Variants in PRKCI observed in about 807,000 individuals in gnomAD.
PRKCI encodes the protein protein kinase C iota, also known as protein kinase C iota type.
Under a neutral mutation model 84.0 loss-of-function variants are expected in PRKCI, and 43 were observed. The ratio of observed to expected loss-of-function variants is 0.51; its 90% CI spans 0.40 to 0.66. The LOEUF is 0.66. Among genes scored for constraint, PRKCI ranks in the 30% least tolerant of loss-of-function variants. The probability of loss-of-function intolerance (pLI) is 0.00; values close to 1 mark genes in which losing one functional copy is unlikely to be tolerated. For missense variants in PRKCI, 459 were observed against 745.6 expected, an observed-to-expected ratio of 0.62 and a Z score of 4.48; for synonymous variants, 216 against 234.4, an observed-to-expected ratio of 0.92 and a Z score of 0.72.
chr3:170,267,967 T>C lies in PRKCI; in HGVS notation c.417T>C (p.Asn139=), dbSNP rs145497021. 9.3e-6 allele frequency: 15 copies of C among 1,613,002 alleles called. No homozygotes were observed. The African/African-American group carries it at 1.9e-4, about 20-fold the overall frequency. Residue 139 remains asparagine, a synonymous_variant, in exon 5 of 18, where the codon AAT becomes AAC. Coordinates refer to ENST00000295797, the MANE Select transcript of PRKCI (RefSeq NM_002740.6). Reference sequence around the variant, plus strand: ...GCTGGAGAAAGCTTTATTGTGCCAATGGCCACACTTTCCAAGCCAAGCGTT... The same window carrying C: ...GCTGGAGAAAGCTTTATTGTGCCAACGGCCACACTTTCCAAGCCAAGCGTT... The part of the protein sequence containing the change: ...ARRWRKLYCA[N]GHTFQAKRFN...
At chr3:170,266,209 TGAGAAACATA>T (rs1410101397) in intron 4 of PRKCI, among the ~76,000 whole-genome samples, 2 of 152,186 alleles carry the variant, frequency 1.3e-5, no homozygotes, top group African/African-American at 4.8e-5. Context: ...TAACTATATT[TGAGAAACATA>T]TTAATATAAA....
chr3:170,235,217 T>A lies in PRKCI; in HGVS notation c.102-13T>A. Reference sequence around the variant, plus strand: ...TAATCATTTTCAAACTGAAAACTCCTTTTCTTTTTCAGGGATATCATGATA... The same window carrying A: ...TAATCATTTTCAAACTGAAAACTCCATTTCTTTTTCAGGGATATCATGATA... On this transcript the variant is annotated splice_polypyrimidine_tract_variant and intron_variant, in intron 1 of 17. Coordinates refer to ENST00000295797, the MANE Select transcript of PRKCI (RefSeq NM_002740.6). The A allele has an allele frequency of 6.2e-7, 1 of 1,611,506 alleles. No individual in the cohort carries two copies. Among genetic ancestry groups the A allele is most frequent in the Non-Finnish European group, 8.5e-7 (1 of 1,177,996 alleles).
At chr3:170,297,480 A>C in intron 16 of PRKCI, 87 bp downstream of exon 16, 1 of 1,103,080 alleles carries the variant, frequency 9.1e-7, no homozygotes, top group Non-Finnish European at 1.3e-6. Flanking sequence ...TTTTAGACAG[A>C]GTCTTGCTCT....
chr3:170,266,391 C>T (rs769593956), intron 4 of PRKCI, among the ~76,000 whole-genome samples: 4 of 151,870 alleles, frequency 2.6e-5, no homozygotes, highest in African/African-American at 4.8e-5. Flanking sequence ...GTTGATAATC[C>T]GACATTTGTG....
At chr3:170,249,232 C>T (rs1332135018) in intron 2 of PRKCI, among the ~76,000 whole-genome samples, 1 of 152,032 alleles carries the variant, frequency 6.6e-6, no homozygotes, top group East Asian at 1.9e-4. Flanking sequence ...TCACAGTTTG[C>T]TATGTATTTG....
chr3:170,227,179 G>GT (rs150705612), intron 1 of PRKCI, among the ~76,000 whole-genome samples: 8 of 152,050 alleles, frequency 5.3e-5, no homozygotes, highest in South Asian at 2.1e-4. Flanking sequence ...TTTAGTGTCT[G>GT]TTTTTTTTAT....
Position 170,267,038 on chromosome 3 carries a change from A to C in PRKCI, c.365-877A>C, listed in dbSNP as rs556321966. 9.5e-4 allele frequency among the ~76,000 whole-genome samples: 145 copies of C among 152,150 alleles called. 1 individual carries two copies. Among genetic ancestry groups the C allele is most frequent in the African/African-American group, 3.1e-3 (128 of 41,510 alleles). ...GACCAGTTAGGGAAGTTTGTATATG[A>C]ATTGTATACTGGTTGATATTGAATT... On this transcript the variant is annotated intron_variant, in intron 4 of 17. Coordinates refer to ENST00000295797, the MANE Select transcript of PRKCI (RefSeq NM_002740.6).
At chr3:170,281,301 A>G (rs904135550) in intron 10 of PRKCI, 38 bp downstream of exon 10, 2 of 1,563,620 alleles carry the variant, frequency 1.3e-6, no homozygotes, top group Non-Finnish European at 8.8e-7. Context: ...ACTGGGCTTC[A>G]TATTTTTGGT....
At chr3:170,298,128 C>T (rs1208952229) in intron 16 of PRKCI, among the ~76,000 whole-genome samples, 2 of 152,116 alleles carry the variant, frequency 1.3e-5, no homozygotes, top group African/African-American at 4.8e-5. Context: ...CCGCCTCAGC[C>T]TCCCAAAGTG....
At chr3:170,284,814 TTATTA>T (rs920828195) in intron 12 of PRKCI, among the ~76,000 whole-genome samples, 11 of 152,246 alleles carry the variant, frequency 7.2e-5, no homozygotes, top group Non-Finnish European at 1.5e-4. Context: ...TAATTTCTTT[TTATTA>T]TACATAACTT....
intron 2 of PRKCI, among the ~76,000 whole-genome samples, chr3:170,239,601 G>A (rs1233317011): frequency 6.6e-6 from 1 of 152,102 alleles, no homozygotes; most frequent in African/African-American, 2.4e-5. Context: ...TCCTTGCCTG[G>A]AGAGTTCTGT....
intron 2 of PRKCI, among the ~76,000 whole-genome samples, chr3:170,248,378 G>T (rs534105868): frequency 1.5e-5 from 2 of 130,616 alleles, no homozygotes; most frequent in Non-Finnish European, 3.5e-5. Context: ...TATTGGGGGG[G>T]GGAAAAAACC....
Position 170,295,956 on chromosome 3 carries a change from A to T in PRKCI, c.1463A>T (p.Lys488Ile). The change falls in exon 15 of 18, where the codon AAA (lysine) becomes ATA (isoleucine). Residue 488 changes from lysine to isoleucine, a missense_variant. Lys to Ile is a moderately radical substitution (Grantham distance 102). Around this residue, in one of 2 missense-constraint regions of PRKCI, gnomAD observed 209 missense variants for 425.9 expected, o/e 0.49. Transcript: ENST00000295797. ...CGCATACCACGTTCTCTGTCTGTAA[A>T]AGCTGCAAGTGTTCTGAAGAGTTTT... Reference protein sequence around the residue: ...QIRIPRSLSVKAASVLKSFLN... With the variant: ...QIRIPRSLSVIAASVLKSFLN... 6.4e-7 allele frequency: 1 copy of T among 1,571,586 alleles called. No individual in the cohort carries two copies. Among genetic ancestry groups the T allele is most frequent in the Non-Finnish European group, 8.7e-7 (1 of 1,154,678 alleles).
At chr3:170,248,569 T>TA (rs56999178) in intron 2 of PRKCI, among the ~76,000 whole-genome samples, 2,412 of 152,288 alleles carry the variant, frequency 0.016, 78 homozygotes, top group African/African-American at 0.055. Flanking sequence ...GCTTCACGCT[T>TA]ATGCATTGAG....
chr3:170,227,416 GA>G (rs1732659249), intron 1 of PRKCI, among the ~76,000 whole-genome samples: 1 of 152,160 alleles, frequency 6.6e-6, no homozygotes. Context: ...AGTTACAATA[GA>G]AACAATTTAA....
At chr3:170,253,739 C>T (rs531633160) in intron 2 of PRKCI, among the ~76,000 whole-genome samples, 14 of 151,970 alleles carry the variant, frequency 9.2e-5, no homozygotes, top group Admixed American at 6.6e-4. Flanking sequence ...TGCAGTGAGC[C>T]GAGATCGTGC....
intron 11 of PRKCI, among the ~76,000 whole-genome samples, chr3:170,282,773 CT>C (rs373286945): frequency 5.8e-4 from 87 of 150,844 alleles, no homozygotes; most frequent in African/African-American, 2.0e-3. Context: ...TGTTCTTTGG[CT>C]TTTTTTTCCT....
intron 2 of PRKCI, among the ~76,000 whole-genome samples, chr3:170,258,806 A>T (rs1268987046): frequency 6.6e-6 from 1 of 151,706 alleles, no homozygotes; most frequent in Non-Finnish European, 1.5e-5. Flanking sequence ...CATTTCTGTG[A>T]CTCCTTTGAG....
At chr3:170,233,537 T>C (rs1162130679) in intron 1 of PRKCI, among the ~76,000 whole-genome samples, 1 of 152,174 alleles carries the variant, frequency 6.6e-6, no homozygotes, top group South Asian at 2.1e-4. Flanking sequence ...TTGCAGTTCA[T>C]TTTTAGCTTT....
Sources: gnomAD v4.1 joint callset for allele counts (sites outside exome capture counted in the v4.1 genomes callset) on GRCh38, gnomAD v4.1.1 for gene constraint, gnomAD v4.1.1 regional missense constraint, MANE v1.5 for transcripts, NCBI Gene and HGNC (gene_info 2026-07-23, HGNC 2026-07-21) for gene names.